The following CCN3 variants were observed in gnomAD, a reference collection of about 807,000 sequenced individuals.
CCN3 encodes the protein cellular communication network factor 3, also known as CCN family member 3.
In CCN3, 20 loss-of-function variants were observed where a neutral mutation model predicts 33.4. The ratio of observed to expected loss-of-function variants is 0.60; its 90% CI spans 0.42 to 0.87. The LOEUF is 0.87. Ranked by LOEUF, CCN3 falls within the 40% of genes least tolerant of loss-of-function variation. The pLI is 0.00. For missense variants in CCN3, 465 were observed against 455.3 expected (o/e 1.02, Z -0.19); for synonymous variants, 205 against 170.4 (o/e 1.20, Z -1.58).
At chr8:119,421,304 C>T (rs979252205) in intron 4 of CCN3, among the ~76,000 whole-genome samples, 1 of 152,078 alleles carries the variant, frequency 6.6e-6, no homozygotes, top group Non-Finnish European at 1.5e-5. Flanking sequence ...CCACCGCGCC[C>T]GGCCGACAGT....
intron 3 of CCN3, 95 bp from the exon 4 acceptor site, chr8:119,419,036 G>T: frequency 1.1e-6 from 1 of 893,590 alleles, no homozygotes; most frequent in Non-Finnish European, 1.8e-6. Flanking sequence ...GTACAGAGTC[G>T]AATGAGACCC....
chr8:119,423,145 GAAGCACAC>G lies in CCN3; in HGVS notation c.*14_*21del. The G allele has an allele frequency of 6.2e-7, 1 of 1,608,720 alleles. No individual in the cohort carries two copies. Among genetic ancestry groups the G allele is most frequent in the South Asian group, 1.1e-5 (1 of 90,704 alleles). ...AGGGAAAATGTAACCTGTCACTCAA[GAAGCACAC>G]CTACAGAGCACCTGTAGCTGCTGCG... On this transcript the variant is annotated 3_prime_UTR_variant, in exon 5 of 5. Coordinates refer to ENST00000259526, the MANE Select transcript of CCN3 (RefSeq NM_002514.4).
Position 119,416,837 on chromosome 8 carries a change from G to T in CCN3, c.178G>T (p.Gly60Cys). The T allele has an allele frequency of 6.2e-7, 1 of 1,612,224 alleles. No individual in the cohort carries two copies. Residue 60 changes from glycine to cysteine, a missense_variant, in exon 2 of 5, where the codon GGC becomes TGC. Physicochemically the swap from Gly to Cys is radical, Grantham distance 159. Coordinates refer to ENST00000259526, the MANE Select transcript of CCN3 (RefSeq NM_002514.4). ...CCCCGGGGTGCGCGCGGTGCTGGAC[G>T]GCTGCTCATGCTGTCTGGTGTGTGC... ...CAPGVRAVLD[G>C]CSCCLVCARQ...
Position 119,416,830 on chromosome 8 carries a change from G to A in CCN3, c.171G>A (p.Val57=). The change falls in exon 2 of 5, where the codon GTG becomes GTA. Residue 57 remains valine, a synonymous_variant. Coordinates refer to ENST00000259526, the MANE Select transcript of CCN3 (RefSeq NM_002514.4). ...PPTCAPGVRA[V]LDGCSCCLVC... ...CCTGCGCCCCCGGGGTGCGCGCGGTGCTGGACGGCTGCTCATGCTGTCTGG... is the reference window on the plus strand; with the variant it reads ...CCTGCGCCCCCGGGGTGCGCGCGGTACTGGACGGCTGCTCATGCTGTCTGG... 6.2e-7 allele frequency: 1 copy of A among 1,611,452 alleles called. No individual in the cohort carries two copies. Among genetic ancestry groups the A allele is most frequent in the Non-Finnish European group, 8.5e-7 (1 of 1,179,214 alleles).
rs1820150862 is a variant in CCN3, at chr8:119,423,099, G to T, written c.1041G>T (p.Glu347Asp). Residue 347 changes from glutamate (E) to aspartate (D), a missense_variant, in exon 5 of 5, where the codon GAG becomes GAT. By Grantham distance (45) the Glu-to-Asp change is conservative (BLOSUM62 2). Coordinates refer to ENST00000259526, the MANE Select transcript of CCN3 (RefSeq NM_002514.4). ...CPKNNEAFLQ[E>D]LELKTTRGKM ...AGAACAATGAGGCCTTCCTCCAGGA[G>T]CTGGAGCTGAAGACTACCAGAGGGA... is the stretch of plus-strand genomic sequence containing the variant. 6.2e-6 allele frequency: 10 copies of T among 1,614,046 alleles called. No homozygotes were observed. Among genetic ancestry groups the T allele is most frequent in the Non-Finnish European group, 7.6e-6 (9 of 1,180,006 alleles).
chr8:119,419,194 A>G lies in CCN3; in HGVS notation c.626A>G (p.Gln209Arg), dbSNP rs201694938. Residue 209 changes from glutamine (Q) to arginine (R), a missense_variant, in exon 4 of 5, where the codon CAG becomes CGG. Gln to Arg is a conservative substitution (Grantham distance 43). Transcript: ENST00000259526. ...GACTCAAGTGTCAACTGCATTGAAC[A>G]GACCACAGAGTGGACAGCATGCTCC... ...VSDSSVNCIE[Q>R]TTEWTACSKS... 8 of 1,614,258 alleles carry G rather than the reference A, an allele frequency of 5.0e-6. No individual in the cohort carries two copies. In the East Asian group the frequency reaches 1.1e-4, roughly 22 times the overall value.
Position 119,419,266 on chromosome 8 carries a change from G to C in CCN3, c.698G>C (p.Arg233Pro). Reference sequence around the variant, plus strand: ...TCCACCCGGGTCACCAATAGGAACCGTCAATGTGAGATGCTGAAACAGACT... The same window carrying C: ...TCCACCCGGGTCACCAATAGGAACCCTCAATGTGAGATGCTGAAACAGACT... ...GFSTRVTNRNRQCEMLKQTRL... is the reference protein window; with the variant it reads ...GFSTRVTNRNPQCEMLKQTRL... The change falls in exon 4 of 5, where the codon CGT becomes CCT. Residue 233 changes from arginine (R) to proline (P), a missense_variant. Arg to Pro is a moderately radical substitution (Grantham distance 103). Coordinates refer to ENST00000259526, the MANE Select transcript of CCN3 (RefSeq NM_002514.4). The C allele has an allele frequency of 6.2e-7, 1 of 1,614,184 alleles. No individual in the cohort carries two copies. Among genetic ancestry groups the C allele is most frequent in the Non-Finnish European group, 8.5e-7 (1 of 1,180,030 alleles).
Position 119,418,111 on chromosome 8 carries a change from A to G in CCN3, c.364A>G (p.Lys122Glu), listed in dbSNP as rs1279490053. 1.4e-5 allele frequency: 23 copies of G among 1,614,104 alleles called. No individual in the cohort carries two copies. Among genetic ancestry groups the G allele is most frequent in the Non-Finnish European group, 1.9e-5 (22 of 1,180,050 alleles). ...TGGGGTCATCTACCGCAGTGGAGAG[A>G]AATTTCAGCCAAGCTGCAAATTCCA... is the stretch of plus-strand genomic sequence containing the variant. ...FDGVIYRSGE[K>E]FQPSCKFQCT... is the part of the protein sequence containing the mutation. Residue 122 changes from lysine to glutamate, a missense_variant, in exon 3 of 5, where the codon AAA becomes GAA. Transcript: ENST00000259526.
intron 1 of CCN3, 31 bp downstream of exon 1, chr8:119,416,647 G>C: frequency 6.2e-7 from 1 of 1,608,248 alleles, no homozygotes; most frequent in Non-Finnish European, 8.5e-7. Context: ...ATGCCCCCAA[G>C]TTACTTTGCC....
At position 119,418,301 on chromosome 8, in the gene CCN3, C is replaced by A. The variant is rs762638899; in HGVS notation, c.554C>A (p.Thr185Asn). The A allele has an allele frequency of 6.8e-6, 11 of 1,613,840 alleles. No homozygotes were observed. Among genetic ancestry groups the A allele is most frequent in the Admixed American group, 1.7e-5 (1 of 60,004 alleles). The change falls in exon 3 of 5, where the codon ACC becomes AAC. Residue 185 changes from threonine to asparagine, a missense_variant. Physicochemically the swap from Thr to Asn is moderately conservative, Grantham distance 65 (BLOSUM62 0). Transcript: ENST00000259526. ...GAGGAGGATTCACTGGGAGGCCTTA[C>A]CCTTGCAGGTGAGAAACTCAATATA... The part of the protein sequence containing the change: ...PDEEDSLGGL[T>N]LAAYRPEATL...
Position 119,419,270 on chromosome 8 carries a change from A to T in CCN3, c.702A>T (p.Gln234His), listed in dbSNP as rs952756917. The T allele has an allele frequency of 6.2e-7, 1 of 1,614,220 alleles. No individual in the cohort carries two copies. Among genetic ancestry groups the T allele is most frequent in the Admixed American group, 1.7e-5 (1 of 60,028 alleles). Residue 234 changes from glutamine (Q) to histidine (H), a missense_variant, in exon 4 of 5, where the codon CAA (glutamine) becomes CAT (histidine). Physicochemically the swap from Gln to His is conservative, Grantham distance 24. Coordinates refer to ENST00000259526, the MANE Select transcript of CCN3 (RefSeq NM_002514.4). ...FSTRVTNRNRQCEMLKQTRLC... is the reference protein window; with the variant it reads ...FSTRVTNRNRHCEMLKQTRLC... The stretch of plus-strand genomic sequence containing the variant: ...CCCGGGTCACCAATAGGAACCGTCA[A>T]TGTGAGATGCTGAAACAGACTCGGC...
Position 119,423,384 on chromosome 8 carries a change from A to C in CCN3, c.*252A>C. 1 of 387,742 alleles carries C rather than the reference A, an allele frequency of 2.6e-6. No individual in the cohort carries two copies. The highest frequency in any genetic ancestry group is 2.0e-5 in the African/African-American group (1 of 50,192). 24.0% of individuals were successfully genotyped at this position (387,742 alleles called of 1,614,324 possible). ...CTTACTTTCCTGTGGTTTTATTACA[A>C]ATGCAAATTTCTATAAATTTAAGAA... is the stretch of plus-strand genomic sequence containing the variant. On this transcript the variant is annotated 3_prime_UTR_variant, in exon 5 of 5. Transcript: ENST00000259526.
At chr8:119,417,007 G>T (rs1183565204) in intron 2 of CCN3, 38 bp downstream of exon 2, 5 of 1,539,086 alleles carry the variant, frequency 3.2e-6, no homozygotes, top group Non-Finnish European at 3.6e-6. Flanking sequence ...CTCTTCTCCT[G>T]CAGCTAAGTG....
chr8:119,420,107 A>T (rs1291567014), intron 4 of CCN3: 1 of 152,152 alleles, frequency 6.6e-6, no homozygotes, highest in African/African-American at 2.4e-5. Context: ...CAAACCTAAG[A>T]CTAAAATAAA....
At position 119,423,417 on chromosome 8, in the gene CCN3, A is replaced by G. The variant is rs1820154638; in HGVS notation, c.*285A>G. On this transcript the variant is annotated 3_prime_UTR_variant, in exon 5 of 5. Transcript: ENST00000259526. ...TTTCTATAAATTTAAGAAAACAAGT[A>G]TATAATTTACTTTGTAGACTGTTTC... is the stretch of plus-strand genomic sequence containing the variant. 3.1e-6 allele frequency: 1 copy of G among 326,498 alleles called. No individual in the cohort carries two copies. The highest frequency in any genetic ancestry group is 2.1e-5 in the African/African-American group (1 of 48,442). 20.2% of individuals were successfully genotyped at this position (326,498 alleles called of 1,614,324 possible). A position where few individuals can be genotyped will look rare whatever the true frequency, so the allele number is the denominator to read the frequency against.
rs535407809 is a variant in CCN3 at position 119,416,908 on chromosome 8, G to C, written c.249G>C (p.Glu83Asp). Reference protein sequence around the residue: ...ESCSDLEPCDESSGLYCDRSA... With the variant: ...ESCSDLEPCDDSSGLYCDRSA... Reference sequence around the variant, plus strand: ...GCTCAGATCTGGAGCCATGCGACGAGAGCAGTGGCCTCTACTGTGATCGCA... The same window carrying C: ...GCTCAGATCTGGAGCCATGCGACGACAGCAGTGGCCTCTACTGTGATCGCA... The change falls in exon 2 of 5, where the codon GAG becomes GAC. Residue 83 changes from glutamate (E) to aspartate (D), a missense_variant. Coordinates refer to ENST00000259526, the MANE Select transcript of CCN3 (RefSeq NM_002514.4). 3.1e-6 allele frequency: 5 copies of C among 1,614,048 alleles called. No homozygotes were observed. In the South Asian group the frequency reaches 4.4e-5, roughly 14 times the overall value.
chr8:119,419,009 G>C, intron 3 of CCN3, 122 bp from the exon 4 acceptor site: 2 of 664,760 alleles, frequency 3.0e-6, no homozygotes, highest in South Asian at 3.7e-5. Flanking sequence ...TGTCCTGGGA[G>C]CATGGGTGTT....
At chr8:119,420,177 G>GT (rs944176141) in intron 4 of CCN3, 1 of 152,308 alleles carries the variant, frequency 6.6e-6, no homozygotes, top group African/African-American at 2.4e-5. Context: ...CATCTAATGC[G>GT]TAAGAGGACA....
At chr8:119,420,742 G>A (rs1191622449) in intron 4 of CCN3, among the ~76,000 whole-genome samples, 2 of 152,140 alleles carry the variant, frequency 1.3e-5, no homozygotes, top group South Asian at 4.1e-4. Flanking sequence ...AATTGAAAAA[G>A]TAAGAAGAAG....
Sources: allele counts gnomAD v4.1 joint callset (sites outside exome capture counted in the v4.1 genomes callset), GRCh38; gene constraint gnomAD v4.1.1; transcripts MANE v1.5; gene names NCBI Gene and HGNC (gene_info 2026-07-23, HGNC 2026-07-21).